The following LYST variants were observed in gnomAD, a reference collection of about 807,000 sequenced individuals.
The protein encoded by LYST is lysosomal-trafficking regulator.
LYST carries 192 observed loss-of-function variants against 413.6 expected under a neutral mutation model. That is an observed-to-expected ratio of 0.46 (90% CI 0.41 to 0.52). The LOEUF is 0.52. Among genes scored for constraint, LYST ranks in the 20% least tolerant of loss-of-function variants. LYST has a pLI of 0.00. For synonymous variants in LYST, 1,525 were observed against 1,567.3 expected (o/e 0.97, Z 0.64); for missense variants, 3,815 against 4,499.9 (o/e 0.85, Z 4.35).
At chr1:235,814,007 T>C (rs992346997) in intron 3 of LYST, among the ~76,000 whole-genome samples, 1 of 152,044 alleles carries the variant, frequency 6.6e-6, no homozygotes, top group Non-Finnish European at 1.5e-5. Context: ...TCTGAAGTAC[T>C]CCAACAACAG....
At chr1:235,730,567 A>G (rs111286397) in intron 36 of LYST, among the ~76,000 whole-genome samples, 6 of 137,532 alleles carry the variant, frequency 4.4e-5, no homozygotes, top group East Asian at 2.1e-4. Flanking sequence ...ACATATTTAT[A>G]TGTGTGTGTG....
intron 23 of LYST, 131 bp from the exon 24 acceptor site, chr1:235,757,589 C>T (rs1667162307): frequency 2.1e-5 from 15 of 727,758 alleles, no homozygotes; most frequent in South Asian, 2.0e-4. Flanking sequence ...AGAAATGTTT[C>T]CTAATTTAAC....
chr1:235,850,805 C>A (rs1558341643), intron 1 of LYST, among the ~76,000 whole-genome samples: 2 of 152,094 alleles, frequency 1.3e-5, no homozygotes, highest in East Asian at 3.8e-4. Flanking sequence ...CAGGGGAATG[C>A]AAATCAAAAC....
chr1:235,751,939 G>T, intron 27 of LYST, 66 bp downstream of exon 27: 1 of 1,073,548 alleles, frequency 9.3e-7, no homozygotes. Context: ...GAAAGAGATT[G>T]TGCTCAAATA....
chr1:235,798,352 TA>T (rs1002682338), intron 10 of LYST, among the ~76,000 whole-genome samples: 3 of 151,750 alleles, frequency 2.0e-5, no homozygotes, highest in African/African-American at 4.8e-5. Flanking sequence ...ACATATATCA[TA>T]AAAAATTAGA....
chr1:235,728,116 T>C lies in LYST; in HGVS notation c.9122A>G (p.Tyr3041Cys), dbSNP rs768356369. The C allele has an allele frequency of 6.2e-7, 1 of 1,612,116 alleles. No homozygotes were observed. Among genetic ancestry groups the C allele is most frequent in the South Asian group, 1.1e-5 (1 of 91,038 alleles). Residue 3041 changes from tyrosine (Y) to cysteine (C), a missense_variant, in exon 38 of 53, where the codon TAT becomes TGT. Coordinates refer to ENST00000389793, the MANE Select transcript of LYST (RefSeq NM_000081.4). ...GELLLGKCGM[Y>C]FVEDNASDTV... is the part of the protein sequence containing the mutation. ...ATCAGAAGCATTATCTTCCACAAAA[T>C]ACATTCCACATTTACCTGCAGAAAG...
intron 42 of LYST, 177 bp from the exon 43 acceptor site, chr1:235,712,374 GATC>G (rs1218800174): frequency 1.8e-6 from 1 of 550,402 alleles, no homozygotes; most frequent in Non-Finnish European, 3.1e-6. Context: ...ATAAACTTGA[GATC>G]ATATTACATT....
At chr1:235,859,502 CTT>C (rs34646468) in intron 1 of LYST, among the ~76,000 whole-genome samples, 10 of 144,590 alleles carry the variant, frequency 6.9e-5, no homozygotes, top group African/African-American at 1.8e-4. Context: ...AGCACCAGGC[CTT>C]TTTTTTTTTT....
chr1:235,795,273 A>G (rs905116697), intron 10 of LYST, among the ~76,000 whole-genome samples: 10 of 152,220 alleles, frequency 6.6e-5, no homozygotes, highest in African/African-American at 2.2e-4. Context: ...CCCAAACCTG[A>G]TAACTCTTCT....
At chr1:235,844,266 GA>G (rs61224078) in intron 1 of LYST, among the ~76,000 whole-genome samples, 66,895 of 151,798 alleles carry the variant, frequency 0.44, 16,044 homozygotes, top group African/African-American at 0.61. Flanking sequence ...ATCTTTATGA[GA>G]AAAAAAGATA....
intron 6 of LYST, among the ~76,000 whole-genome samples, chr1:235,805,126 A>G (rs1441027907): frequency 2.0e-5 from 3 of 152,238 alleles, no homozygotes; most frequent in African/African-American, 7.2e-5. Context: ...GGTCTGCCAT[A>G]TTCCAGGTCC....
At chr1:235,712,297 A>G (rs1294898609) in intron 42 of LYST, 100 bp from the exon 43 acceptor site, 1 of 857,146 alleles carries the variant, frequency 1.2e-6, no homozygotes, top group African/African-American at 1.7e-5. Flanking sequence ...AAAGATTAAA[A>G]TAATGCTAAT....
chr1:235,780,632 T>C (rs1438233215), intron 16 of LYST, among the ~76,000 whole-genome samples: 2 of 151,944 alleles, frequency 1.3e-5, no homozygotes, highest in Admixed American at 6.6e-5. Flanking sequence ...TGATAAACTT[T>C]TTATAGAAAT....
chr1:235,781,483 A>G (rs1488959193), intron 15 of LYST, among the ~76,000 whole-genome samples: 1 of 152,084 alleles, frequency 6.6e-6, no homozygotes, highest in African/African-American at 2.4e-5. Context: ...AGGTTTAAGG[A>G]CATATTTTTT....
intron 5 of LYST, among the ~76,000 whole-genome samples, chr1:235,807,477 C>A (rs994489038): frequency 6.6e-6 from 1 of 152,182 alleles, no homozygotes; most frequent in African/African-American, 2.4e-5. Flanking sequence ...AGTTACAAAA[C>A]TTTCAAATCA....
intron 2 of LYST, among the ~76,000 whole-genome samples, 194 bp from the exon 3 acceptor site, chr1:235,830,618 C>A (rs981209992): frequency 6.6e-6 from 1 of 151,956 alleles, no homozygotes; most frequent in Non-Finnish European, 1.5e-5. Context: ...CCTTCCATGG[C>A]GAAATGAGTC....
intron 8 of LYST, among the ~76,000 whole-genome samples, chr1:235,802,372 C>A (rs1672341951): frequency 6.6e-6 from 1 of 152,000 alleles, no homozygotes; most frequent in Non-Finnish European, 1.5e-5. Flanking sequence ...TAGTTCCATC[C>A]TAAAGACAAA....
intron 45 of LYST, among the ~76,000 whole-genome samples, chr1:235,702,146 T>C (rs1200757563): frequency 6.6e-6 from 1 of 152,256 alleles, no homozygotes; most frequent in Non-Finnish European, 1.5e-5. Flanking sequence ...ATGCTGTTTT[T>C]ATAACGAAGA....
chr1:235,709,341 C>A, intron 43 of LYST, 33 bp from the exon 44 acceptor site: 6 of 1,505,158 alleles, frequency 4.0e-6, no homozygotes, highest in Non-Finnish European at 5.5e-6. Context: ...ATATTTAACT[C>A]CCCCACAGCA....
Sources: gnomAD v4.1 joint callset for allele counts (sites outside exome capture counted in the v4.1 genomes callset) on GRCh38, gnomAD v4.1.1 for gene constraint, MANE v1.5 for transcripts, NCBI Gene and HGNC (gene_info 2026-07-23, HGNC 2026-07-21) for gene names.